CPXM2: variants seen among roughly 807,000 people sequenced by gnomAD.
CPXM2 encodes the protein carboxypeptidase X, M14 family member 2.
A neutral mutation model predicts 86.1 loss-of-function variants in CPXM2; 66 were observed. That is an observed-to-expected ratio of 0.77 (90% CI 0.63 to 0.94). CPXM2 has a LOEUF of 0.94. Among genes scored for constraint, CPXM2 ranks in the 40% least tolerant of loss-of-function variants. The probability of loss-of-function intolerance (pLI) is 0.00; values close to 1 mark genes in which losing one functional copy is unlikely to be tolerated. For missense variants in CPXM2, 948 were observed against 1,026.3 expected, an observed-to-expected ratio of 0.92 and a Z score of 1.04; for synonymous variants, 388 against 400.2, an observed-to-expected ratio of 0.97 and a Z score of 0.36.
chr10:123,841,527 T>C (rs1047436882), intron 4 of CPXM2, among the ~76,000 whole-genome samples: 38 of 152,176 alleles, frequency 2.5e-4, no homozygotes, highest in African/African-American at 8.7e-4. Flanking sequence ...CCCTTCCTCC[T>C]AGCCCTGGCA....
At chr10:123,855,964 T>G (rs1253692885) in intron 3 of CPXM2, among the ~76,000 whole-genome samples, 1 of 152,118 alleles carries the variant, frequency 6.6e-6, no homozygotes, top group East Asian at 1.9e-4. Flanking sequence ...AAACTCTCAG[T>G]CATTTCTAAC....
intron 4 of CPXM2, among the ~76,000 whole-genome samples, chr10:123,822,192 CA>C (rs1333386859): frequency 6.6e-6 from 1 of 152,242 alleles, no homozygotes; most frequent in Non-Finnish European, 1.5e-5. Context: ...AGTATCTGAA[CA>C]CAATTTATCC....
intron 2 of CPXM2, among the ~76,000 whole-genome samples, chr10:123,908,166 G>A (rs1245390715): frequency 6.6e-6 from 1 of 151,810 alleles, no homozygotes; most frequent in African/African-American, 2.4e-5. Flanking sequence ...GGAAGAAGGG[G>A]ACAGATTCAA....
Position 123,766,979 on chromosome 10 carries a change from A to T in CPXM2, c.1473T>A (p.Asn491Lys), listed in dbSNP as rs199507480. 1.9e-6 allele frequency: 3 copies of T among 1,613,478 alleles called. No homozygotes were observed. Among genetic ancestry groups the T allele is most frequent in the East Asian group, 2.2e-5 (1 of 44,862 alleles). Residue 491 changes from asparagine (N) to lysine (K), a missense_variant, in exon 10 of 14, where the codon AAT becomes AAA. Transcript: ENST00000241305. The stretch of plus-strand genomic sequence containing the variant: ...GACGGGTATTTTGACTCACCGTGGC[A>T]TTTTCCGACAGAAACCACTCAGGGA... ...IAIPEWFLSE[N>K]ATVAAETRAV...
Position 123,901,393 on chromosome 10 carries a change from C to T in CPXM2, n.175-21084G>A, listed in dbSNP as rs573671386. On this transcript the variant is annotated intron_variant and non_coding_transcript_variant, in intron 2 of 19. Transcript: ENST00000368854. ...ATAACAGAGAAGGAGCTCCTGGGAG[C>T]AGCAAACACCTTGTTTTCCTTCCAT... 5.4e-5 allele frequency among the ~76,000 whole-genome samples: 8 copies of T among 149,382 alleles called. No homozygotes were observed. The South Asian group carries it at 1.7e-3, about 32-fold the overall frequency.
intron 3 of CPXM2, among the ~76,000 whole-genome samples, chr10:123,844,004 G>T (rs1848442567): frequency 1.3e-5 from 2 of 152,034 alleles, no homozygotes; most frequent in Non-Finnish European, 2.9e-5. Context: ...TGAGCACACT[G>T]GACAGTCAAT....
intron 4 of CPXM2, among the ~76,000 whole-genome samples, chr10:123,807,439 G>A (rs1847604589): frequency 6.6e-6 from 1 of 152,196 alleles, no homozygotes; most frequent in African/African-American, 2.4e-5. Flanking sequence ...ACATGAAAAG[G>A]TTAAAGCATT....
chr10:123,752,172 C>T (rs1038347680), intron 13 of CPXM2: 19 of 985,230 alleles, frequency 1.9e-5, no homozygotes, highest in East Asian at 2.3e-4. Context: ...GCATAATGAT[C>T]GCCAACACTC....
chr10:123,843,120 C>CT (rs765282267), intron 3 of CPXM2: 10,249 of 272,934 alleles, frequency 0.038, no homozygotes, highest in South Asian at 0.067. Context: ...ACCAAAAATT[C>CT]TTTTTTTTTT....
At position 123,754,933 on chromosome 10, in the gene CPXM2, A is replaced by G. The variant is rs1846169651; in HGVS notation, c.1918-171T>C. 6.6e-6 allele frequency among the ~76,000 whole-genome samples: 1 copy of G among 152,198 alleles called. No homozygotes were observed. The stretch of plus-strand genomic sequence containing the variant: ...CGAAAAGCAGTTCATTGCTCACTGC[A>G]TTGTTGGGTTCAATTAACAAGGGCG... On this transcript the variant is annotated intron_variant, in intron 12 of 13. Coordinates refer to ENST00000241305, the MANE Select transcript of CPXM2 (RefSeq NM_198148.3). The surrounding 1 kb of genome is among the most constrained non-coding windows in gnomAD (Gnocchi z 4.0).
chr10:123,864,821 A>AAGT (rs1430922134), intron 2 of CPXM2, among the ~76,000 whole-genome samples: 4 of 152,202 alleles, frequency 2.6e-5, no homozygotes, highest in Non-Finnish European at 5.9e-5. Flanking sequence ...TCAAAAAAGG[A>AAGT]AGTACCTGAC....
intron 4 of CPXM2, among the ~76,000 whole-genome samples, chr10:123,802,232 G>A (rs982147120): frequency 6.6e-6 from 1 of 152,186 alleles, no homozygotes; most frequent in African/African-American, 2.4e-5. Flanking sequence ...CAAAGTACCT[G>A]AAGACCAATT....
chr10:123,924,854 T>A (rs1945610489), intron 2 of CPXM2, among the ~76,000 whole-genome samples: 1 of 152,020 alleles, frequency 6.6e-6, no homozygotes, highest in Admixed American at 6.5e-5. Flanking sequence ...ATTTAGGAGC[T>A]CTGTGTCAGG....
At chr10:123,800,096 C>T (rs962090972) in intron 4 of CPXM2, among the ~76,000 whole-genome samples, 1 of 145,988 alleles carries the variant, frequency 6.8e-6, no homozygotes, top group African/African-American at 2.6e-5. Context: ...TTCCTACTTG[C>T]CTGCTTGCCC....
intron 4 of CPXM2, among the ~76,000 whole-genome samples, chr10:123,835,237 G>A (rs1230255589): frequency 2.0e-5 from 3 of 152,010 alleles, no homozygotes; most frequent in Non-Finnish European, 4.4e-5. Flanking sequence ...ACCATCTGGG[G>A]GGTTTCCTGG....
intron 4 of CPXM2, among the ~76,000 whole-genome samples, chr10:123,810,957 G>A (rs7919040): frequency 0.028 from 4,325 of 152,122 alleles, 198 homozygotes; most frequent in African/African-American, 0.099. Flanking sequence ...ATTTATAAAT[G>A]TAAGAGAATT....
intron 2 of CPXM2, among the ~76,000 whole-genome samples, chr10:123,909,471 G>A (rs1179948594): frequency 6.6e-6 from 1 of 152,174 alleles, no homozygotes; most frequent in Non-Finnish European, 1.5e-5. Flanking sequence ...ATTCCACAAG[G>A]CTCCACCTGA....
chr10:123,891,404 T>C lies in CPXM2; in HGVS notation c.256A>G (p.Lys86Glu). ...GACTTCTCCCTCTTGGGAGCTTTCT[T>C]GGGCTTGGTGGCCCTCTTGGGCGGC... ...PRPPKRATKP[K>E]KAPKREKSAP... Residue 86 changes from lysine to glutamate, a missense_variant, in exon 1 of 14, where the codon AAG becomes GAG. Physicochemically the swap from Lys to Glu is moderately conservative, Grantham distance 56. Transcript: ENST00000241305. The surrounding 1 kb of genome is among the most constrained non-coding windows in gnomAD (Gnocchi z 5.6). The C allele has an allele frequency of 6.4e-7, 1 of 1,566,552 alleles. No individual in the cohort carries two copies. Among genetic ancestry groups the C allele is most frequent in the Non-Finnish European group, 8.7e-7 (1 of 1,155,490 alleles).
intron 2 of CPXM2, among the ~76,000 whole-genome samples, chr10:123,899,921 G>C (rs552929506): frequency 6.6e-6 from 1 of 152,276 alleles, no homozygotes; most frequent in East Asian, 1.9e-4. Context: ...GCAAAAATAA[G>C]AAGAGGAGGA....
Sources: gnomAD v4.1 joint callset for allele counts (sites outside exome capture counted in the v4.1 genomes callset) on GRCh38, gnomAD v4.1.1 for gene constraint, Gnocchi (gnomAD v3.1) non-coding constraint, MANE v1.5 for transcripts, NCBI Gene and HGNC (gene_info 2026-07-23, HGNC 2026-07-21) for gene names.